The following TSEN2 variants were observed in gnomAD, a reference collection of about 807,000 sequenced individuals.
TSEN2 encodes the protein tRNA splicing endonuclease subunit 2.
A neutral mutation model predicts 59.2 loss-of-function variants in TSEN2; 54 were observed. That is an observed-to-expected ratio of 0.91 (90% CI 0.73 to 1.14). TSEN2 has a LOEUF of 1.14. TSEN2 is among the 50% of genes most tolerant of loss of function. TSEN2 has a pLI of 0.00. For missense variants in TSEN2, 636 were observed against 576.2 expected (o/e 1.10, Z -1.06); for synonymous variants, 195 against 198.2 (o/e 0.98, Z 0.14).
intron 4 of TSEN2, among the ~76,000 whole-genome samples, chr3:12,496,782 T>C (rs2053789924): frequency 6.6e-6 from 1 of 152,266 alleles, no homozygotes; most frequent in African/African-American, 2.4e-5. Context: ...AGTTGAATTC[T>C]TTCCAAATTA....
chr3:12,489,387 C>G (rs1039280262), intron 1 of TSEN2, among the ~76,000 whole-genome samples: 8 of 152,100 alleles, frequency 5.3e-5, no homozygotes, highest in East Asian at 1.9e-4. Flanking sequence ...TCCCCAGCAC[C>G]TATGATTATT....
chr3:12,480,759 C>A (rs2052183834), upstream of TSEN2, among the ~76,000 whole-genome samples: 2 of 151,948 alleles, frequency 1.3e-5, no homozygotes, highest in South Asian at 4.2e-4. Context: ...GTCTTGAACT[C>A]CCACCCTCAG....
Position 12,519,160 on chromosome 3 carries a change from G to A in TSEN2, c.1062G>A (p.Trp354Ter), listed in dbSNP as rs1469655355. 1 of 1,614,184 alleles carries A rather than the reference G, an allele frequency of 6.2e-7. No individual in the cohort carries two copies. The highest frequency in any genetic ancestry group is 8.5e-7 in the Non-Finnish European group (1 of 1,180,030). The change falls in exon 8 of 12, where the codon TGG becomes TGA. Residue 354 changes from tryptophan (W) to a stop codon, truncating the protein, a stop_gained. Transcript: ENST00000284995. LOFTEE classifies it high-confidence loss of function. ...MAYHYFRSKGWVPKVGLKYGT... is the reference protein window; with the variant it reads ...MAYHYFRSKG ...ACCATTACTTTCGAAGCAAGGGCTG[G>A]GTGCCCAAAGTGGGACTCAAGTACG...
At chr3:12,493,766 A>C (rs1056440140) in intron 3 of TSEN2, among the ~76,000 whole-genome samples, 1 of 152,178 alleles carries the variant, frequency 6.6e-6, no homozygotes, top group Non-Finnish European at 1.5e-5. Context: ...CTCCATTTCT[A>C]AATAAATAAA....
chr3:12,503,239 C>G, intron 4 of TSEN2, 23 bp from the exon 5 acceptor site: 1 of 1,614,032 alleles, frequency 6.2e-7, no homozygotes, highest in South Asian at 1.1e-5. Flanking sequence ...AGTGCTGTTT[C>G]TAACAGTATT....
At chr3:12,512,922 G>C (rs2055636036) in intron 6 of TSEN2, among the ~76,000 whole-genome samples, 1 of 152,202 alleles carries the variant, frequency 6.6e-6, no homozygotes, top group South Asian at 2.1e-4. Context: ...TTAGCAGTAT[G>C]ATGTTAAAAA....
intron 8 of TSEN2, among the ~76,000 whole-genome samples, chr3:12,525,509 GT>G (rs2057003165): frequency 6.6e-6 from 1 of 151,966 alleles, no homozygotes; most frequent in Non-Finnish European, 1.5e-5. Flanking sequence ...GTAAGAAAGA[GT>G]TTTCCTTTTA....
intron 6 of TSEN2, among the ~76,000 whole-genome samples, chr3:12,512,338 G>A (rs1221410817): frequency 6.6e-6 from 1 of 152,168 alleles, no homozygotes; most frequent in Non-Finnish European, 1.5e-5. Flanking sequence ...CTGAGGGAGG[G>A]CTAGCACTCA....
chr3:12,520,853 A>G (rs1434080336), intron 8 of TSEN2, among the ~76,000 whole-genome samples: 2 of 152,138 alleles, frequency 1.3e-5, no homozygotes, highest in South Asian at 2.1e-4. Context: ...TTCATGTGAC[A>G]GGGGTTTGTT....
Position 12,532,941 on chromosome 3 carries a change from C to T in TSEN2, c.*220C>T. On this transcript the variant is annotated 3_prime_UTR_variant, in exon 12 of 12. Coordinates refer to ENST00000284995, the MANE Select transcript of TSEN2 (RefSeq NM_025265.4). ...TCTATACTTGCGTTGGCCTCTAACTCTCCAATCCAGAGCCTCCTGCCTCTG... is the reference window on the plus strand; with the variant it reads ...TCTATACTTGCGTTGGCCTCTAACTTTCCAATCCAGAGCCTCCTGCCTCTG... 1 of 593,840 alleles carries T rather than the reference C, an allele frequency of 1.7e-6. No homozygotes were observed. The highest frequency in any genetic ancestry group is 2.9e-5 in the East Asian group (1 of 34,874). 36.8% of individuals were successfully genotyped at this position (593,840 alleles called of 1,614,324 possible). A position where few individuals can be genotyped will look rare whatever the true frequency, so the allele number is the denominator to read the frequency against.
At chr3:12,513,543 A>G (rs1053669598) in intron 6 of TSEN2, among the ~76,000 whole-genome samples, 2 of 152,236 alleles carry the variant, frequency 1.3e-5, no homozygotes, top group African/African-American at 4.8e-5. Flanking sequence ...TCCCCATTGT[A>G]TAGATGAGGC....
chr3:12,483,375 G>C (rs1377616155), upstream of TSEN2, among the ~76,000 whole-genome samples: 2 of 152,040 alleles, frequency 1.3e-5, no homozygotes, highest in African/African-American at 2.4e-5. Flanking sequence ...ACAGAGCCAG[G>C]CTCCGTCTCA....
At chr3:12,494,407 C>CA (rs1481198578) in intron 3 of TSEN2, among the ~76,000 whole-genome samples, 1 of 152,062 alleles carries the variant, frequency 6.6e-6, no homozygotes, top group Non-Finnish European at 1.5e-5. Context: ...TTTTTTGAGA[C>CA]AAGAGTCTCA....
At chr3:12,532,358 C>T (rs552049062) in intron 11 of TSEN2, among the ~76,000 whole-genome samples, 2 of 152,318 alleles carry the variant, frequency 1.3e-5, no homozygotes, top group African/African-American at 4.8e-5. Flanking sequence ...CATCACAGAC[C>T]TAGCTCTAAT....
chr3:12,537,423 A>G (rs1346867993), downstream of TSEN2, among the ~76,000 whole-genome samples: 1 of 152,192 alleles, frequency 6.6e-6, no homozygotes, highest in Non-Finnish European at 1.5e-5. Flanking sequence ...AATGAAAAAG[A>G]AAAGAGCTGC....
rs1399600079 is a variant in TSEN2 at position 12,505,201 on chromosome 3, C to CT, written c.882dup (p.Glu295Ter). ...TATGCAGAAGAAATCCATATAGGAT[C>CT]TTTGAGTATTTGCAACTCAGCCTAG... On this transcript the variant is annotated frameshift_variant, in exon 6 of 12. Transcript: ENST00000284995. LOFTEE classifies it high-confidence loss of function. 1 of 1,612,280 alleles carries CT rather than the reference C, an allele frequency of 6.2e-7. No homozygotes were observed. Among genetic ancestry groups the CT allele is most frequent in the East Asian group, 2.2e-5 (1 of 44,846 alleles).
intron 3 of TSEN2, 34 bp from the exon 4 acceptor site, chr3:12,496,484 T>C (rs775039302): frequency 3.7e-6 from 6 of 1,612,310 alleles, no homozygotes; most frequent in Middle Eastern, 3.3e-4. Context: ...TTATGGGAAA[T>C]TTGCCTGAAA....
intron 10 of TSEN2, chr3:12,539,080 G>A (rs1430567855): frequency 4.8e-6 from 2 of 416,094 alleles, no homozygotes; most frequent in African/African-American, 4.3e-5. Context: ...GATTCTGAGG[G>A]GGTTTTTGGT....
chr3:12,485,548 C>A (rs549111493), intron 1 of TSEN2, among the ~76,000 whole-genome samples: 1 of 152,242 alleles, frequency 6.6e-6, no homozygotes, highest in East Asian at 1.9e-4. Flanking sequence ...TTGAATAGAC[C>A]TTGCTGTTAC....
Sources: allele counts gnomAD v4.1 joint callset (sites outside exome capture counted in the v4.1 genomes callset), GRCh38; gene constraint gnomAD v4.1.1; transcripts MANE v1.5; gene names NCBI Gene and HGNC (gene_info 2026-07-23, HGNC 2026-07-21).